The following SPEF2 variants were observed in gnomAD, a reference collection of about 807,000 sequenced individuals.
SPEF2 encodes the protein sperm flagella and cilia-associated protein 2.
A neutral mutation model predicts 224.6 loss-of-function variants in SPEF2; 187 were observed. That is an observed-to-expected ratio of 0.83 (90% CI 0.74 to 0.94). The LOEUF is 0.94. Among genes scored for constraint, SPEF2 ranks in the 40% least tolerant of loss-of-function variants. The pLI, the probability that SPEF2 is intolerant of heterozygous loss-of-function variation, is 0.00. For synonymous variants in SPEF2, 715 were observed against 707.3 expected (o/e 1.01, Z -0.17); for missense variants, 2,170 against 2,135.6 (o/e 1.02, Z -0.32).
At chr5:35,635,549 C>CA (rs1745715983) in intron 2 of SPEF2, among the ~76,000 whole-genome samples, 1 of 152,056 alleles carries the variant, frequency 6.6e-6, no homozygotes, top group Admixed American at 6.5e-5. Context: ...TTTCCATTTA[C>CA]AAAATGTAGT....
intron 20 of SPEF2, among the ~76,000 whole-genome samples, chr5:35,716,811 A>G (rs1742665331): frequency 6.6e-6 from 1 of 152,088 alleles, no homozygotes; most frequent in African/African-American, 2.4e-5. Flanking sequence ...TTTGATACCA[A>G]TTATATTTAA....
chr5:35,779,609 C>A (rs576766825), intron 30 of SPEF2, among the ~76,000 whole-genome samples: 3 of 152,164 alleles, frequency 2.0e-5, no homozygotes, highest in Non-Finnish European at 4.4e-5. Flanking sequence ...CCGACCCTTG[C>A]TGACAAGTTT....
intron 15 of SPEF2, chr5:35,699,546 T>G (rs1738143686): frequency 6.6e-6 from 1 of 152,182 alleles, no homozygotes; most frequent in Admixed American, 6.5e-5. Context: ...AAAGTGGAAG[T>G]CAGAGAAATT....
intron 21 of SPEF2, among the ~76,000 whole-genome samples, chr5:35,738,402 G>A (rs1306816163): frequency 6.6e-6 from 1 of 151,528 alleles, no homozygotes; most frequent in Non-Finnish European, 1.5e-5. Flanking sequence ...AAGGTGTAAG[G>A]AAGGGATCCA....
intron 6 of SPEF2, among the ~76,000 whole-genome samples, chr5:35,651,863 G>T (rs1035690965): frequency 1.3e-5 from 2 of 152,190 alleles, no homozygotes. Context: ...AGCAATGCAA[G>T]AGCCCTCATG....
chr5:35,660,556 G>T (rs1749561516), intron 8 of SPEF2, among the ~76,000 whole-genome samples: 1 of 152,158 alleles, frequency 6.6e-6, no homozygotes, highest in Admixed American at 6.5e-5. Flanking sequence ...GGTATGGAAT[G>T]GGGAGAGAGA....
chr5:35,678,057 G>A (rs1021921171), intron 10 of SPEF2, among the ~76,000 whole-genome samples: 1 of 152,210 alleles, frequency 6.6e-6, no homozygotes, highest in Non-Finnish European at 1.5e-5. Context: ...GCTGAGTATT[G>A]ACCGTGGCCA....
At chr5:35,779,463 C>G (rs1233770616) in intron 30 of SPEF2, 117 bp downstream of exon 30, 47 of 718,352 alleles carry the variant, frequency 6.5e-5, no homozygotes, top group Non-Finnish European at 9.6e-5. Context: ...CTAAAACATG[C>G]CCTTGCTTTG....
intron 23 of SPEF2, among the ~76,000 whole-genome samples, chr5:35,743,517 A>G (rs1359855906): frequency 6.6e-6 from 1 of 152,184 alleles, no homozygotes; most frequent in Non-Finnish European, 1.5e-5. Flanking sequence ...TTAGCAGTGG[A>G]TCTTCAGCAA....
At chr5:35,752,456 GT>G (rs931659404) in intron 23 of SPEF2, among the ~76,000 whole-genome samples, 5 of 151,742 alleles carry the variant, frequency 3.3e-5, no homozygotes, top group Admixed American at 2.6e-4. Context: ...GAATGGCTAA[GT>G]TTTTATTTTT....
At chr5:35,716,593 G>A (rs1266248016) in intron 20 of SPEF2, among the ~76,000 whole-genome samples, 3 of 151,970 alleles carry the variant, frequency 2.0e-5, no homozygotes, top group Admixed American at 1.3e-4. Flanking sequence ...TAACTACAAA[G>A]ACTTCCAAAT....
chr5:35,760,136 C>A (rs1172029679), intron 25 of SPEF2, among the ~76,000 whole-genome samples: 2 of 152,090 alleles, frequency 1.3e-5, no homozygotes, highest in Non-Finnish European at 2.9e-5. Context: ...CCGAGGCAGG[C>A]AGATCACGAG....
intron 20 of SPEF2, among the ~76,000 whole-genome samples, chr5:35,719,418 A>G (rs1384293375): frequency 6.6e-6 from 1 of 152,216 alleles, no homozygotes; most frequent in East Asian, 1.9e-4. Flanking sequence ...ATTTGCATAA[A>G]GTGCAGCAAG....
intron 29 of SPEF2, 32 bp from the exon 30 acceptor site, chr5:35,779,085 G>A (rs1224890457): frequency 2.0e-6 from 3 of 1,504,696 alleles, no homozygotes; most frequent in Non-Finnish European, 2.7e-6. Context: ...TATCTTTCAT[G>A]GGGTTAACGC....
intron 21 of SPEF2, among the ~76,000 whole-genome samples, chr5:35,733,336 G>A (rs543882107): frequency 3.3e-5 from 5 of 152,164 alleles, no homozygotes; most frequent in South Asian, 2.1e-4. Context: ...GGATGGTCGC[G>A]ATCTCCTCAC....
At chr5:35,805,787 A>G (rs1757978814) in intron 34 of SPEF2, among the ~76,000 whole-genome samples, 1 of 152,130 alleles carries the variant, frequency 6.6e-6, no homozygotes, top group Non-Finnish European at 1.5e-5. Context: ...TATATAAGCA[A>G]ACTGTCCTAC....
rs73078269 is a variant in SPEF2 at position 35,633,296 on chromosome 5, C to T, written c.161+4734C>T. 9.5e-3 allele frequency among the ~76,000 whole-genome samples: 1,452 copies of T among 152,086 alleles called. 29 individuals carry two copies. Among genetic ancestry groups the T allele is most frequent in the African/African-American group, 0.034 (1,401 of 41,520 alleles). On this transcript the variant is annotated intron_variant, in intron 2 of 36. Transcript: ENST00000356031. Reference sequence around the variant, plus strand: ...CCCTCTAATTCTTTCAGTTTTTCCTCCATGTATTTTGTGGCTCCATTGTTA... The same window carrying T: ...CCCTCTAATTCTTTCAGTTTTTCCTTCATGTATTTTGTGGCTCCATTGTTA...
intron 20 of SPEF2, among the ~76,000 whole-genome samples, chr5:35,721,312 T>C (rs1743619401): frequency 6.6e-6 from 1 of 152,222 alleles, no homozygotes; most frequent in South Asian, 2.1e-4. Context: ...TTACTGTTCT[T>C]ACACATCTTG....
At chr5:35,803,715 T>C (rs1757735882) in intron 34 of SPEF2, among the ~76,000 whole-genome samples, 1 of 152,204 alleles carries the variant, frequency 6.6e-6, no homozygotes, top group Admixed American at 6.5e-5. Flanking sequence ...CAGGAAGCCA[T>C]AATGCTCAGA....
Sources: allele counts gnomAD v4.1 joint callset (sites outside exome capture counted in the v4.1 genomes callset), GRCh38; gene constraint gnomAD v4.1.1; transcripts MANE v1.5; gene names NCBI Gene and HGNC (gene_info 2026-07-23, HGNC 2026-07-21).